The following WDHD1 variants were observed in gnomAD, a reference collection of about 807,000 sequenced individuals.
WDHD1 encodes WD repeat and HMG-box DNA-binding protein 1.
A neutral mutation model predicts 135.4 loss-of-function variants in WDHD1; 111 were observed. The ratio of observed to expected loss-of-function variants is 0.82; its 90% CI spans 0.70 to 0.96. The LOEUF (loss-of-function observed/expected upper bound fraction) is 0.96, where lower values mean the gene tolerates loss of function less well. WDHD1 is among the 40% of genes least tolerant of loss of function. WDHD1 has a pLI of 0.00. For synonymous variants in WDHD1, 434 were observed against 439.0 expected, an observed-to-expected ratio of 0.99 and a Z score of 0.14; for missense variants, 1,351 against 1,336.3, an observed-to-expected ratio of 1.01 and a Z score of -0.17.
chr14:54,954,048 G>A (rs2041109668), intron 24 of WDHD1, among the ~76,000 whole-genome samples: 2 of 151,868 alleles, frequency 1.3e-5, no homozygotes, highest in African/African-American at 4.8e-5. Context: ...CACCAACATG[G>A]CACATGTGTA....
rs1380686382 is a variant in WDHD1 at position 54,955,115 on chromosome 14, T to C, written c.3050+446A>G. ...AAAAAGTAAGGTACAGAATAATGTG[T>C]AAAACAAAAAATAGACAAATATGTA... On this transcript the variant is annotated intron_variant, in intron 24 of 25. Transcript: ENST00000360586. Among the ~76,000 whole-genome samples, 5 of 152,286 alleles carry C rather than the reference T, an allele frequency of 3.3e-5. No individual in the cohort carries two copies. The East Asian group carries it at 9.6e-4, about 29-fold the overall frequency.
chr14:55,026,629 T>C, intron 2 of WDHD1, 82 bp downstream of exon 2: 1 of 1,370,698 alleles, frequency 7.3e-7, no homozygotes, highest in Non-Finnish European at 1.0e-6. Context: ...CATGAGTCAT[T>C]TTTAGCTGAC....
chr14:54,974,486 T>C (rs549736407), intron 16 of WDHD1, among the ~76,000 whole-genome samples: 1,658 of 121,160 alleles, frequency 0.014, 12 homozygotes, highest in Non-Finnish European at 0.019. Flanking sequence ...AAAACCTGTT[T>C]TGTTTTGTTT....
At chr14:54,960,666 A>AT (rs879665589) in intron 21 of WDHD1, among the ~76,000 whole-genome samples, 69 of 145,944 alleles carry the variant, frequency 4.7e-4, no homozygotes, top group Middle Eastern at 7.1e-3. Context: ...TGCCCGGCTA[A>AT]TTTTTTTTTT....
chr14:54,970,268 C>T (rs762091182), intron 16 of WDHD1, among the ~76,000 whole-genome samples: 2 of 152,094 alleles, frequency 1.3e-5, no homozygotes, highest in Non-Finnish European at 2.9e-5. Context: ...TTACTCTATA[C>T]ATAGAATTGC....
chr14:55,008,542 TTAG>T, intron 5 of WDHD1, 63 bp downstream of exon 5: 1 of 1,492,076 alleles, frequency 6.7e-7, no homozygotes, highest in Non-Finnish European at 9.1e-7. Flanking sequence ...TTTTAGAGAG[TTAG>T]TAGGAAATAT....
In WDHD1 at chr14:54,940,766, TCTC is replaced by T. The variant is rs1347169144; in HGVS notation, c.*721_*723del. 1 of 152,134 alleles carries T rather than the reference TCTC, an allele frequency of 6.6e-6. No individual in the cohort carries two copies. The highest frequency in any genetic ancestry group is 1.5e-5 in the Non-Finnish European group (1 of 68,030). The allele number at this position is 152,134 out of a possible 1,614,324, so 9.4% of individuals were successfully genotyped here. A position where few individuals can be genotyped will look rare whatever the true frequency, so the allele number is the denominator to read the frequency against. ...CTGTCACAGCAGTGTCTTCAGTTCT[TCTC>T]TACTGTGTATAATGCAGAGCAAAAT... On this transcript the variant is annotated 3_prime_UTR_variant, in exon 26 of 26. Transcript: ENST00000360586.
chr14:55,017,934 C>G (rs1385536937), intron 2 of WDHD1, among the ~76,000 whole-genome samples: 20 of 152,138 alleles, frequency 1.3e-4, no homozygotes, highest in Admixed American at 1.2e-3. Context: ...CCCACCTCAG[C>G]TGCACACAAA....
chr14:54,981,746 AG>A, intron 15 of WDHD1, 50 bp from the exon 16 acceptor site: 1 of 1,286,184 alleles, frequency 7.8e-7, no homozygotes, highest in Non-Finnish European at 1.1e-6. Context: ...ATGTTGTTAA[AG>A]GAACCCTATT....
chr14:55,003,381 C>T (rs528782165), intron 7 of WDHD1, among the ~76,000 whole-genome samples: 7 of 151,740 alleles, frequency 4.6e-5, no homozygotes, highest in Admixed American at 3.3e-4. Context: ...ATTGTGGGCG[C>T]GTGCCTCTAG....
intron 21 of WDHD1, among the ~76,000 whole-genome samples, chr14:54,960,861 G>A (rs1473006178): frequency 1.3e-5 from 2 of 152,096 alleles, no homozygotes; most frequent in African/African-American, 4.8e-5. Flanking sequence ...GTGCAGTGGT[G>A]CAACCATAGC....
chr14:54,970,331 T>C (rs1353598057), intron 16 of WDHD1, among the ~76,000 whole-genome samples: 1 of 152,142 alleles, frequency 6.6e-6, no homozygotes, highest in Non-Finnish European at 1.5e-5. Flanking sequence ...ACAAAATCAA[T>C]ATACAAAAAT....
intron 7 of WDHD1, chr14:55,005,108 C>G: frequency 1.9e-6 from 1 of 532,244 alleles, no homozygotes; most frequent in Non-Finnish European, 3.7e-6. Flanking sequence ...AGAGATCAGG[C>G]ATGACCTCCC....
Position 55,008,373 on chromosome 14 carries a change from G to A in WDHD1, c.454-7C>T. 2.5e-6 allele frequency: 4 copies of A among 1,613,154 alleles called. No individual in the cohort carries two copies. The highest frequency in any genetic ancestry group is 3.4e-6 in the Non-Finnish European group (4 of 1,179,566). On this transcript the variant is annotated splice_region_variant and splice_polypyrimidine_tract_variant and intron_variant, in intron 5 of 25. Coordinates refer to ENST00000360586, the MANE Select transcript of WDHD1 (RefSeq NM_007086.4). ...CATCACAACTAGCTGATGCCTGCAG[G>A]AATAAACAATACATTTCTCTATAGT...
At chr14:54,963,661 G>A (rs149459761) in intron 18 of WDHD1, among the ~76,000 whole-genome samples, 6,318 of 152,144 alleles carry the variant, frequency 0.042, 439 homozygotes, top group African/African-American at 0.15. Flanking sequence ...TTAGCCAGGC[G>A]TGGTGGCGTG....
chr14:54,988,809 T>C (rs1438119467), intron 13 of WDHD1, among the ~76,000 whole-genome samples: 1 of 151,990 alleles, frequency 6.6e-6, no homozygotes, highest in Non-Finnish European at 1.5e-5. Context: ...TGCCATGTCA[T>C]TTTGCTATGT....
At chr14:54,945,790 C>G (rs1007999844) in intron 24 of WDHD1, among the ~76,000 whole-genome samples, 1 of 152,170 alleles carries the variant, frequency 6.6e-6, no homozygotes. Flanking sequence ...CCACTCGCCT[C>G]GGCCTCCCAA....
intron 25 of WDHD1, among the ~76,000 whole-genome samples, 153 bp downstream of exon 25, chr14:54,944,179 C>A (rs1004641957): frequency 4.0e-5 from 6 of 151,754 alleles, no homozygotes; most frequent in African/African-American, 9.7e-5. Context: ...CCAGGCTGGT[C>A]ACGAACTCCT....
At chr14:55,009,287 A>T (rs1332417305) in intron 4 of WDHD1, among the ~76,000 whole-genome samples, 1 of 152,180 alleles carries the variant, frequency 6.6e-6, no homozygotes, top group Non-Finnish European at 1.5e-5. Flanking sequence ...TGCTAATCTA[A>T]TTATAGCTAC....
Sources: gnomAD v4.1 joint callset for allele counts (sites outside exome capture counted in the v4.1 genomes callset) on GRCh38, gnomAD v4.1.1 for gene constraint, MANE v1.5 for transcripts, NCBI Gene and HGNC (gene_info 2026-07-23, HGNC 2026-07-21) for gene names.